The following KRT82 variants were observed in gnomAD, a reference collection of about 807,000 sequenced individuals.
KRT82 encodes the protein keratin 82.
KRT82 carries 44 observed loss-of-function variants against 48.0 expected under a neutral mutation model. The ratio of observed to expected loss-of-function variants is 0.92; its 90% confidence interval spans 0.72 to 1.18. The LOEUF (loss-of-function observed/expected upper bound fraction) is 1.18. Ranked by LOEUF, KRT82 falls within the 50% of genes most tolerant of loss-of-function variation. The pLI, the probability that KRT82 is intolerant of heterozygous loss-of-function variation, is 0.00. For missense variants in KRT82, 701 were observed against 671.4 expected (o/e 1.04, Z -0.49); for synonymous variants, 297 against 278.3 (o/e 1.07, Z -0.67).
chr12:52,399,732 C>T (rs760688011), intron 5 of KRT82, among the ~76,000 whole-genome samples: 6 of 152,218 alleles, frequency 3.9e-5, no homozygotes, highest in Non-Finnish European at 7.3e-5. Context: ...AACTGCTGGG[C>T]GCCCTGGCAC....
chr12:52,394,778 G>A lies in KRT82; in HGVS notation c.*197C>T, dbSNP rs930814686. The A allele has an allele frequency of 1.6e-5, 10 of 607,018 alleles. No homozygotes were observed. Among genetic ancestry groups the A allele is most frequent in the East Asian group, 5.5e-5 (2 of 36,310 alleles). The allele number at this position is 607,018 out of a possible 1,614,324, so 37.6% of individuals were successfully genotyped here. On this transcript the variant is annotated 3_prime_UTR_variant, in exon 9 of 9. Coordinates refer to ENST00000257974, the MANE Select transcript of KRT82 (RefSeq NM_033033.4). The stretch of plus-strand genomic sequence containing the variant: ...GGCCTAGCTGAGGGTCTGCACACAG[G>A]TGAGTGGAAGGTGACTCATGAGGCA...
chr12:52,403,807 A>G lies in KRT82; in HGVS notation c.514T>C (p.Tyr172His), dbSNP rs759070779. The change falls in exon 2 of 9, where the codon TAT (tyrosine) becomes CAT (histidine). Residue 172 changes from tyrosine to histidine, a missense_variant. Transcript: ENST00000257974. The part of the protein sequence containing the change: ...QTNIEPIFEG[Y>H]ISALRRQLDC... ...AGCTGCCGCCGAAGGGCGCTGATAT[A>G]GCCCTCGAAGATGGGCTCGATGTTG... 2 of 1,613,766 alleles carry G rather than the reference A, an allele frequency of 1.2e-6. No homozygotes were observed. Among genetic ancestry groups the G allele is most frequent in the Non-Finnish European group, 1.7e-6 (2 of 1,179,958 alleles).
intron 4 of KRT82, 86 bp from the exon 5 acceptor site, chr12:52,400,235 G>T: frequency 7.4e-7 from 1 of 1,348,216 alleles, no homozygotes. Context: ...GACCTTCCCA[G>T]AGCAGAGTGC....
rs1939688250 is a variant in KRT82 at position 52,394,868 on chromosome 12, A to C, written c.*107T>G. 1 of 961,344 alleles carries C rather than the reference A, an allele frequency of 1.0e-6. No individual in the cohort carries two copies. Among genetic ancestry groups the C allele is most frequent in the South Asian group, 1.5e-5 (1 of 67,712 alleles). The allele number at this position is 961,344 out of a possible 1,614,324, so 59.6% of individuals were successfully genotyped here. On this transcript the variant is annotated 3_prime_UTR_variant, in exon 9 of 9. Coordinates refer to ENST00000257974, the MANE Select transcript of KRT82 (RefSeq NM_033033.4). ...AACACTGGAGGGGAATGTGGAGTCA[A>C]TAAAGGGAGGTGGGGTTTTGGAACA...
intron 8 of KRT82, 59 bp downstream of exon 8, chr12:52,395,700 T>A: frequency 7.5e-7 from 1 of 1,326,632 alleles, no homozygotes; most frequent in Non-Finnish European, 1.1e-6. Context: ...GGGCTGCCTG[T>A]GTTGGGGTGA....
intron 6 of KRT82, among the ~76,000 whole-genome samples, chr12:52,396,435 C>T (rs943732945): frequency 1.3e-5 from 2 of 152,150 alleles, no homozygotes; most frequent in Non-Finnish European, 2.9e-5. Flanking sequence ...GGATTTTCCT[C>T]TTAAGTATGC....
At position 52,400,617 on chromosome 12, in the gene KRT82, C is replaced by T. The variant is rs1939776535; in HGVS notation, c.687G>A (p.Val229=). The change falls in exon 4 of 9, where the codon GTG becomes GTA. Residue 229 remains valine (V), a synonymous_variant. Coordinates refer to ENST00000257974, the MANE Select transcript of KRT82 (RefSeq NM_033033.4). ...CAGCCTTCATCAGGAAGGCTGTGTC[C>T]ACGTCCTGCAGCAGAGCAGGGACAG... ...ENEFVALKKD[V]DTAFLMKADL... 6.2e-7 allele frequency: 1 copy of T among 1,612,632 alleles called. No homozygotes were observed. Among genetic ancestry groups the T allele is most frequent in the Admixed American group, 1.7e-5 (1 of 60,010 alleles).
intron 1 of KRT82, 26 bp from the exon 2 acceptor site, chr12:52,403,935 A>T: frequency 6.2e-7 from 1 of 1,605,990 alleles, no homozygotes; most frequent in Middle Eastern, 1.8e-4. Flanking sequence ...GAATATCACC[A>T]GGCAGCAGAG....
At position 52,394,666 on chromosome 12, in the gene KRT82, G is replaced by A; in HGVS notation, c.*309C>T. The A allele has an allele frequency of 2.3e-6, 1 of 436,784 alleles. No homozygotes were observed. The highest frequency in any genetic ancestry group is 2.4e-5 in the South Asian group (1 of 41,464). The allele number at this position is 436,784 out of a possible 1,614,324, so 27.1% of individuals were successfully genotyped here. On this transcript the variant is annotated 3_prime_UTR_variant, in exon 9 of 9. Transcript: ENST00000257974. Reference sequence around the variant, plus strand: ...ATGATCCACAGAGCAGAACTGTGGTGTGCCCATTTGACCTTTTGGGGGTTA... The same window carrying A: ...ATGATCCACAGAGCAGAACTGTGGTATGCCCATTTGACCTTTTGGGGGTTA...
At chr12:52,405,532 G>A (rs1447309866) in intron 1 of KRT82, among the ~76,000 whole-genome samples, 3 of 152,338 alleles carry the variant, frequency 2.0e-5, no homozygotes, top group African/African-American at 7.2e-5. Flanking sequence ...ATCAGGAAGG[G>A]CATTTCTCTG....
In KRT82 at chr12:52,406,101, G is replaced by A. The variant is rs199864780; in HGVS notation, c.177C>T (p.Asn59=). The change falls in exon 1 of 9, where the codon AAC becomes AAT. Residue 59 remains asparagine, a synonymous_variant. Coordinates refer to ENST00000257974, the MANE Select transcript of KRT82 (RefSeq NM_033033.4). ...CTACCCGGGGCCTCCCAAAGCCCAC[G>A]TTGCACAGGCTCCGTGAGCCAAGGC... The part of the protein sequence containing the change: ...LGCLGSRSLC[N]VGFGRPRVAS... 66 of 1,613,356 alleles carry A rather than the reference G, an allele frequency of 4.1e-5. No individual in the cohort carries two copies. The East Asian group carries it at 6.0e-4, about 15-fold the overall frequency.
At position 52,405,932 on chromosome 12, in the gene KRT82, C is replaced by T; in HGVS notation, c.346G>A (p.Val116Ile). 7 of 1,614,240 alleles carry T rather than the reference C, an allele frequency of 4.3e-6. No homozygotes were observed. Among genetic ancestry groups the T allele is most frequent in the Non-Finnish European group, 5.9e-6 (7 of 1,180,044 alleles). ...ALEIDPTVQR[V>I]KRDEKEQIKC... ...ATCTGCTCCTTCTCATCCCTCTTTA[C>T]CCTCTGCACAGTCGGGTCTATCTCC... is the stretch of plus-strand genomic sequence containing the variant. Residue 116 changes from valine to isoleucine, a missense_variant, in exon 1 of 9, where the codon GTA (valine) becomes ATA (isoleucine). Physicochemically the swap from Val to Ile is conservative, Grantham distance 29 (BLOSUM62 3). Transcript: ENST00000257974.
In KRT82 at chr12:52,403,792, G is replaced by A. The variant is rs758752168; in HGVS notation, c.529C>T (p.Arg177Trp). 5.0e-6 allele frequency: 8 copies of A among 1,613,636 alleles called. No homozygotes were observed. Among genetic ancestry groups the A allele is most frequent in the East Asian group, 2.2e-5 (1 of 44,876 alleles). ...PIFEGYISAL[R>W]RQLDCVSGDR... ...CCGGACACACAGTCCAGCTGCCGCCGAAGGGCGCTGATATAGCCCTCGAAG... is the reference window on the plus strand; with the variant it reads ...CCGGACACACAGTCCAGCTGCCGCCAAAGGGCGCTGATATAGCCCTCGAAG... The change falls in exon 2 of 9, where the codon CGG becomes TGG. Residue 177 changes from arginine to tryptophan, a missense_variant. Arg to Trp is a moderately radical substitution (Grantham distance 101). Transcript: ENST00000257974.
Position 52,406,018 on chromosome 12 carries a change from C to T in KRT82, c.260G>A (p.Gly87Glu). 1 of 1,614,210 alleles carries T rather than the reference C, an allele frequency of 6.2e-7. No individual in the cohort carries two copies. The highest frequency in any genetic ancestry group is 8.5e-7 in the Non-Finnish European group (1 of 1,180,044). Reference sequence around the variant, plus strand: ...GACAGGGGTGATGCAGGCAGAAGGCCCACAGGTGGCTCCCAGTCGGTACCC... The same window carrying T: ...GACAGGGGTGATGCAGGCAGAAGGCTCACAGGTGGCTCCCAGTCGGTACCC... ...GFGYRLGATCGPSACITPVTI... is the reference protein window; with the variant it reads ...GFGYRLGATCEPSACITPVTI... Residue 87 changes from glycine to glutamate, a missense_variant, in exon 1 of 9, where the codon GGG becomes GAG. By Grantham distance (98) the Gly-to-Glu change is moderately conservative. Transcript: ENST00000257974.
At chr12:52,397,499 C>T (rs1474629558) in intron 5 of KRT82, among the ~76,000 whole-genome samples, 1 of 152,196 alleles carries the variant, frequency 6.6e-6, no homozygotes, top group African/African-American at 2.4e-5. Flanking sequence ...TTATGTCCTA[C>T]CTTGAGGTAA....
chr12:52,398,539 T>C (rs190302731), intron 5 of KRT82, among the ~76,000 whole-genome samples: 127 of 151,818 alleles, frequency 8.4e-4, no homozygotes, highest in African/African-American at 2.9e-3. Flanking sequence ...CTTCAACTAA[T>C]AGAATTTTCT....
intron 4 of KRT82, 99 bp downstream of exon 4, chr12:52,400,428 G>A: frequency 1.1e-6 from 1 of 929,194 alleles, no homozygotes; most frequent in East Asian, 2.4e-5. Flanking sequence ...CTCTTTCCAT[G>A]CTTGCCCTGA....
In KRT82 at chr12:52,396,195, T is replaced by C. The variant is rs1939712733; in HGVS notation, c.1106A>G (p.Gln369Arg). 4.3e-6 allele frequency: 7 copies of C among 1,614,050 alleles called. No homozygotes were observed. In the East Asian group the frequency reaches 1.6e-4, roughly 36 times the overall value. Residue 369 changes from glutamine (Q) to arginine (R), a missense_variant, in exon 7 of 9, where the codon CAG becomes CGG. By Grantham distance (43) the Gln-to-Arg change is conservative (BLOSUM62 1). Transcript: ENST00000257974. ...ATCATTGAGAGCCGCCTCGCCCTGC[T>C]GCTCTGCCTCAGCTATGGCACCCTC... ...KLEGAIAEAE[Q>R]QGEAALNDAK...
chr12:52,396,374 C>T, intron 6 of KRT82, 142 bp from the exon 7 acceptor site: 2 of 740,780 alleles, frequency 2.7e-6, no homozygotes, highest in East Asian at 2.7e-5. Flanking sequence ...CATCTGGTTC[C>T]TCCAGGGAAC....
Sources: allele counts gnomAD v4.1 joint callset (sites outside exome capture counted in the v4.1 genomes callset), GRCh38; gene constraint gnomAD v4.1.1; transcripts MANE v1.5; gene names NCBI Gene and HGNC (gene_info 2026-07-23, HGNC 2026-07-21).